CDH4: variants seen among roughly 807,000 people sequenced by gnomAD.
CDH4 encodes cadherin-4.
A neutral mutation model predicts 86.0 loss-of-function variants in CDH4; 33 were observed. That is an observed-to-expected ratio of 0.38 (90% CI 0.29 to 0.51). The LOEUF (loss-of-function observed/expected upper bound fraction) is 0.51, where lower values mean the gene tolerates loss of function less well. Ranked by LOEUF, CDH4 falls within the 20% of genes least tolerant of loss-of-function variation. The pLI, the probability that CDH4 is intolerant of heterozygous loss-of-function variation, is 0.86. For missense variants in CDH4, 1,114 were observed against 1,307.4 expected, an observed-to-expected ratio of 0.85 and a Z score of 2.28; for synonymous variants, 555 against 549.4, an observed-to-expected ratio of 1.01 and a Z score of -0.14.
intron 8 of CDH4, among the ~76,000 whole-genome samples, chr20:61,909,846 C>G (rs2054830066): frequency 6.6e-6 from 1 of 152,210 alleles, no homozygotes; most frequent in Non-Finnish European, 1.5e-5. Flanking sequence ...TCTTCGGGGA[C>G]ACCATTCAAC....
At chr20:61,931,501 CT>C (rs1281625593) in intron 13 of CDH4, among the ~76,000 whole-genome samples, 2 of 152,216 alleles carry the variant, frequency 1.3e-5, no homozygotes, top group African/African-American at 4.8e-5. Flanking sequence ...GCCCTCCTGA[CT>C]GGGGGGTCGC....
At chr20:61,447,773 A>G (rs1481193556) in intron 2 of CDH4, among the ~76,000 whole-genome samples, 1 of 152,044 alleles carries the variant, frequency 6.6e-6, no homozygotes, top group African/African-American at 2.4e-5. Context: ...TTTTGCCTGT[A>G]TCTTCAAACT....
chr20:61,663,059 C>T lies in CDH4; in HGVS notation c.170-80504C>T, dbSNP rs919942362. Among the ~76,000 whole-genome samples, 4 of 152,174 alleles carry T rather than the reference C, an allele frequency of 2.6e-5. No individual in the cohort carries two copies. Among genetic ancestry groups the T allele is most frequent in the Non-Finnish European group, 1.5e-5 (1 of 68,022 alleles). On this transcript the variant is annotated intron_variant, in intron 2 of 15. Coordinates refer to ENST00000614565, the MANE Select transcript of CDH4 (RefSeq NM_001794.5). This position sits in a 1 kb window ranked among gnomAD's most constrained non-coding sequence, Gnocchi z 5.0. ...GGCCCTGACTCACCTCCCCCTCCACCATGGTATTGATGACAATGCTGCCCA... is the reference window on the plus strand; with the variant it reads ...GGCCCTGACTCACCTCCCCCTCCACTATGGTATTGATGACAATGCTGCCCA...
At chr20:61,933,908 G>C (rs1568898339) in intron 14 of CDH4, 148 bp from the exon 15 acceptor site, 3 of 857,304 alleles carry the variant, frequency 3.5e-6, no homozygotes, top group Non-Finnish European at 3.7e-6. Context: ...GCACAGCAGG[G>C]GACAGCATGG....
At chr20:61,389,302 T>C (rs1438576356) in intron 2 of CDH4, among the ~76,000 whole-genome samples, 1 of 152,182 alleles carries the variant, frequency 6.6e-6, no homozygotes, top group Non-Finnish European at 1.5e-5. Flanking sequence ...CAGATGTTCT[T>C]TATCTTATCA....
intron 4 of CDH4, among the ~76,000 whole-genome samples, chr20:61,825,808 A>G (rs1342116302): frequency 6.6e-6 from 1 of 152,150 alleles, no homozygotes; most frequent in Non-Finnish European, 1.5e-5. Flanking sequence ...CTTCCCTCCA[A>G]CACCATCTCA....
At chr20:61,835,216 A>T (rs1981811771) in intron 4 of CDH4, among the ~76,000 whole-genome samples, 3 of 150,326 alleles carry the variant, frequency 2.0e-5, no homozygotes, top group Admixed American at 1.3e-4. Context: ...ATGTCCAACT[A>T]AGTTGTTGTT....
intron 5 of CDH4, among the ~76,000 whole-genome samples, chr20:61,849,203 G>A (rs1982599593): frequency 1.3e-5 from 2 of 151,732 alleles, no homozygotes; most frequent in African/African-American, 4.8e-5. Flanking sequence ...GGGGATGCCT[G>A]GCTTTCCTGC....
intron 4 of CDH4, among the ~76,000 whole-genome samples, chr20:61,806,560 CAT>C (rs11469887): frequency 0.1 from 12,859 of 128,134 alleles, 633 homozygotes; most frequent in South Asian, 0.19. Context: ...CACGCACACA[CAT>C]GTCCACGCGC....
At chr20:61,382,680 T>C (rs1282588248) in intron 2 of CDH4, among the ~76,000 whole-genome samples, 2 of 152,180 alleles carry the variant, frequency 1.3e-5, no homozygotes, top group Admixed American at 6.5e-5. Context: ...CCTCACGTCT[T>C]CCAGCCTTGG....
chr20:61,580,115 A>G (rs1292955404), intron 2 of CDH4, among the ~76,000 whole-genome samples: 1 of 142,606 alleles, frequency 7.0e-6, no homozygotes, highest in African/African-American at 3.0e-5. Context: ...GGACTCTTAC[A>G]CTGCTACAAA....
At chr20:61,261,378 C>T (rs1241241641) in intron 2 of CDH4, among the ~76,000 whole-genome samples, 1 of 152,198 alleles carries the variant, frequency 6.6e-6, no homozygotes. Flanking sequence ...CTTAAAGATT[C>T]AGGTTTTGCG....
rs1009709199 is a variant in CDH4 at position 61,269,066 on chromosome 20, T to C, written c.169+14129T>C. On this transcript the variant is annotated intron_variant, in intron 2 of 15. Coordinates refer to ENST00000614565, the MANE Select transcript of CDH4 (RefSeq NM_001794.5). This position sits in a 1 kb window ranked among gnomAD's most constrained non-coding sequence, Gnocchi z 5.3. Reference sequence around the variant, plus strand: ...GAAAGCCCTGTGGTGGTCCTGGGGCTCGGCCCCACTTGAGGGGTTAACAGC... The same window carrying C: ...GAAAGCCCTGTGGTGGTCCTGGGGCCCGGCCCCACTTGAGGGGTTAACAGC... 4.6e-5 allele frequency among the ~76,000 whole-genome samples: 7 copies of C among 152,154 alleles called. No individual in the cohort carries two copies. The highest frequency in any genetic ancestry group is 1.0e-4 in the Non-Finnish European group (7 of 68,020).
intron 3 of CDH4, among the ~76,000 whole-genome samples, chr20:61,763,786 C>T (rs966295646): frequency 6.6e-6 from 1 of 152,150 alleles, no homozygotes; most frequent in South Asian, 2.1e-4. Context: ...AGCCAGGGTT[C>T]CTCCTTGGCT....
intron 2 of CDH4, among the ~76,000 whole-genome samples, chr20:61,298,962 C>T (rs2084371748): frequency 6.6e-6 from 1 of 152,012 alleles, no homozygotes; most frequent in African/African-American, 2.4e-5. Context: ...ACCCTGGCAC[C>T]AGTATTTTGA....
intron 2 of CDH4, among the ~76,000 whole-genome samples, chr20:61,521,078 G>A (rs1157969010): frequency 1.3e-5 from 2 of 152,200 alleles, no homozygotes; most frequent in Non-Finnish European, 2.9e-5. Context: ...ATTTGAAGAT[G>A]GCTAGTGTCT....
At chr20:61,610,918 G>A (rs192368946) in intron 2 of CDH4, among the ~76,000 whole-genome samples, 174 of 152,248 alleles carry the variant, frequency 1.1e-3, no homozygotes, top group African/African-American at 4.0e-3. Context: ...CCCAGTAAGG[G>A]TGCTGGAGCT....
At chr20:61,732,831 C>T (rs1278988568) in intron 2 of CDH4, among the ~76,000 whole-genome samples, 2 of 152,230 alleles carry the variant, frequency 1.3e-5, no homozygotes, top group Admixed American at 1.3e-4. Context: ...GAGCCCCCCA[C>T]CCCATGTCCC....
intron 7 of CDH4, among the ~76,000 whole-genome samples, chr20:61,887,097 C>T (rs1450995866): frequency 1.3e-5 from 2 of 152,190 alleles, no homozygotes; most frequent in African/African-American, 4.8e-5. Flanking sequence ...ATGCCTGGGT[C>T]CTGCCCACCC....
Sources: gnomAD v4.1 joint callset for allele counts (sites outside exome capture counted in the v4.1 genomes callset) on GRCh38, gnomAD v4.1.1 for gene constraint, Gnocchi (gnomAD v3.1) non-coding constraint, MANE v1.5 for transcripts, NCBI Gene and HGNC (gene_info 2026-07-23, HGNC 2026-07-21) for gene names.